CUX2: variants seen among roughly 807,000 people sequenced by gnomAD.
CUX2 encodes cut like homeobox 2, also known as homeobox protein cut-like 2.
Under a neutral mutation model 144.8 loss-of-function variants are expected in CUX2, and 40 were observed. That is an observed-to-expected ratio of 0.28 (90% CI 0.21 to 0.36). The LOEUF is 0.36. Ranked by LOEUF, CUX2 falls within the 10% of genes least tolerant of loss-of-function variation. The pLI, the probability that CUX2 is intolerant of heterozygous loss-of-function variation, is 1.00. For synonymous variants in CUX2, 827 were observed against 875.6 expected (o/e 0.94, Z 0.98); for missense variants, 1,615 against 1,994.0 (o/e 0.81, Z 3.62).
intron 1 of CUX2, among the ~76,000 whole-genome samples, chr12:111,060,231 A>G (rs1282538760): frequency 1.3e-5 from 2 of 152,056 alleles, no homozygotes; most frequent in Non-Finnish European, 2.9e-5. Context: ...CCACCATGTC[A>G]TCTCTTATAA....
rs200077725 is a variant in CUX2 at position 111,191,306 on chromosome 12, ATTATTTATTTAT to A, written c.64-22863_64-22852del. ...CCACTATTATTGTTCTTATTCTTTTATTATTTATTTATTTATTTATTTATTTATTTATTTATT... is the reference window on the plus strand; with the variant it reads ...CCACTATTATTGTTCTTATTCTTTTATTATTTATTTATTTATTTATTTATT... On this transcript the variant is annotated intron_variant, in intron 1 of 21. Coordinates refer to ENST00000261726, the MANE Select transcript of CUX2 (RefSeq NM_015267.4). Among the ~76,000 whole-genome samples, 530 of 146,832 alleles carry A rather than the reference ATTATTTATTTAT, an allele frequency of 3.6e-3. 2 individuals carry two copies. Among genetic ancestry groups the A allele is most frequent in the Middle Eastern group, 0.01 (3 of 288 alleles).
Position 111,320,444 on chromosome 12 carries a change from C to A in CUX2, c.2435C>A (p.Ser812Tyr), listed in dbSNP as rs1456258142. ...SVSPSLSSSS[S>Y]SGYSGQPNGR... is the part of the protein sequence containing the mutation. The stretch of plus-strand genomic sequence containing the variant: ...TCGCCCTCGCTGTCCTCCTCCTCCT[C>A]CTCTGGCTACTCTGGCCAGCCCAAC... The change falls in exon 17 of 22, where the codon TCC (serine) becomes TAC (tyrosine). Residue 812 changes from serine to tyrosine, a missense_variant. By Grantham distance (144) the Ser-to-Tyr change is moderately radical. Coordinates refer to ENST00000261726, the MANE Select transcript of CUX2 (RefSeq NM_015267.4). This position sits in a 1 kb window ranked among gnomAD's most constrained non-coding sequence, Gnocchi z 8.1. 2 of 1,596,146 alleles carry A rather than the reference C, an allele frequency of 1.3e-6. No individual in the cohort carries two copies.
chr12:111,184,335 G>A (rs939749538), intron 1 of CUX2, among the ~76,000 whole-genome samples: 4 of 152,098 alleles, frequency 2.6e-5, no homozygotes, highest in African/African-American at 9.7e-5. Context: ...ACAAGGTGGG[G>A]ACTGGAAGTA....
At chr12:111,167,295 G>A (rs1012496008) in intron 1 of CUX2, among the ~76,000 whole-genome samples, 4 of 152,054 alleles carry the variant, frequency 2.6e-5, no homozygotes, top group Non-Finnish European at 4.4e-5. Flanking sequence ...TATTTCCATC[G>A]AGATAAAGTT....
chr12:111,263,433 G>T lies in CUX2; in HGVS notation c.223-328G>T, dbSNP rs1032093887. On this transcript the variant is annotated intron_variant, in intron 3 of 21. Coordinates refer to ENST00000261726, the MANE Select transcript of CUX2 (RefSeq NM_015267.4). The surrounding 1 kb of genome is among the most constrained non-coding windows in gnomAD (Gnocchi z 4.0). ...CCATCCTGGCCAACGTGGTCAAACC[G>T]TCTCTACCAAAAGTACAAAAAAATT... 2.0e-5 allele frequency among the ~76,000 whole-genome samples: 3 copies of T among 152,092 alleles called. No individual in the cohort carries two copies. The highest frequency in any genetic ancestry group is 4.4e-5 in the Non-Finnish European group (3 of 68,014).
chr12:111,071,937 C>G (rs1312281922), intron 1 of CUX2, among the ~76,000 whole-genome samples: 3 of 152,180 alleles, frequency 2.0e-5, no homozygotes, highest in Non-Finnish European at 4.4e-5. Context: ...TTATGTGGGT[C>G]TATTTCTGGG....
rs1346688820 is a variant in CUX2 at position 111,246,605 on chromosome 12, A to G, written c.223-17156A>G. On this transcript the variant is annotated intron_variant, in intron 3 of 21. Transcript: ENST00000261726. The surrounding 1 kb of genome is among the most constrained non-coding windows in gnomAD (Gnocchi z 4.0). ...GATTCTTAAAGATTGGCTAACATCA[A>G]TCATTTTTAAAACCTGAGCAAAACA... is the stretch of plus-strand genomic sequence containing the variant. Among the ~76,000 whole-genome samples the G allele has an allele frequency of 6.6e-6, 1 of 152,206 alleles. No homozygotes were observed. The highest frequency in any genetic ancestry group is 1.5e-5 in the Non-Finnish European group (1 of 68,024).
intron 3 of CUX2, among the ~76,000 whole-genome samples, chr12:111,257,663 CCT>C (rs1350727747): frequency 3.0e-5 from 4 of 134,534 alleles, no homozygotes; most frequent in Admixed American, 1.5e-4. Context: ...CCTCCTCCTC[CCT>C]CTTCCCCCCT....
In CUX2 at chr12:111,287,073, C is replaced by G. The variant is rs1885422377; in HGVS notation, c.302-4345C>G. ...CTATGGACCTGAATCAAAGGTCCAG[C>G]CAGCCCCTGTTCCCACCAGCCTCTC... On this transcript the variant is annotated intron_variant, in intron 4 of 21. Coordinates refer to ENST00000261726, the MANE Select transcript of CUX2 (RefSeq NM_015267.4). The surrounding 1 kb of genome is among the most constrained non-coding windows in gnomAD (Gnocchi z 4.2). Among the ~76,000 whole-genome samples the G allele has an allele frequency of 1.3e-5, 2 of 152,192 alleles. No homozygotes were observed. The highest frequency in any genetic ancestry group is 4.1e-4 in the South Asian group (2 of 4,828).
chr12:111,253,456 G>T (rs1883668874), intron 3 of CUX2, among the ~76,000 whole-genome samples: 1 of 151,954 alleles, frequency 6.6e-6, no homozygotes, highest in Admixed American at 6.6e-5. Context: ...CTTTCCCAAA[G>T]CTCCCCACGA....
At chr12:111,262,231 G>T (rs1469007431) in intron 3 of CUX2, among the ~76,000 whole-genome samples, 1 of 152,186 alleles carries the variant, frequency 6.6e-6, no homozygotes, top group Admixed American at 6.5e-5. Flanking sequence ...TCATGGCTGG[G>T]TTCTCAGCCC....
In CUX2 at chr12:111,075,892, T is replaced by A. The variant is rs139194786; in HGVS notation, c.63+41652T>A. 4.1e-3 allele frequency among the ~76,000 whole-genome samples: 619 copies of A among 152,290 alleles called. 9 individuals are homozygous for A. Among genetic ancestry groups the A allele is most frequent in the African/African-American group, 0.014 (598 of 41,544 alleles). On this transcript the variant is annotated intron_variant, in intron 1 of 21. Transcript: ENST00000261726. ...GACCAAGTGGGAAACTGAGTCTGAATAATAATGATGATGATAATAACCAGC... is the reference window on the plus strand; with the variant it reads ...GACCAAGTGGGAAACTGAGTCTGAAAAATAATGATGATGATAATAACCAGC...
In CUX2 at chr12:111,304,097, G is replaced by A; in HGVS notation, c.754-113G>A. 1 of 761,232 alleles carries A rather than the reference G, an allele frequency of 1.3e-6. No individual in the cohort carries two copies. The highest frequency in any genetic ancestry group is 2.2e-6 in the Non-Finnish European group (1 of 451,004). The allele number at this position is 761,232 out of a possible 1,614,324, so 47.2% of individuals were successfully genotyped here. A position where few individuals can be genotyped will look rare whatever the true frequency, so the allele number is the denominator to read the frequency against. The stretch of plus-strand genomic sequence containing the variant: ...ACAGGGTCCGGGACTAGGAAGGCAG[G>A]ACCTGAGGCCCTCGGAGGTCTGCCT... On this transcript the variant is annotated intron_variant, in intron 9 of 21. Coordinates refer to ENST00000261726, the MANE Select transcript of CUX2 (RefSeq NM_015267.4). The surrounding 1 kb of genome is among the most constrained non-coding windows in gnomAD (Gnocchi z 4.7).
chr12:111,304,989 A>C lies in CUX2; in HGVS notation c.858+675A>C, dbSNP rs1271132548. Among the ~76,000 whole-genome samples, 2 of 152,236 alleles carry C rather than the reference A, an allele frequency of 1.3e-5. No homozygotes were observed. Among genetic ancestry groups the C allele is most frequent in the African/African-American group, 2.4e-5 (1 of 41,460 alleles). ...GGATTTCCCACCCCAGCCACATGCT[A>C]TGAAGAGCCAGTCTTCGGTGATCAA... On this transcript the variant is annotated intron_variant, in intron 10 of 21. Transcript: ENST00000261726. The surrounding 1 kb of genome is among the most constrained non-coding windows in gnomAD (Gnocchi z 4.7).
Position 111,307,290 on chromosome 12 carries a change from A to G in CUX2, c.1109+33A>G, listed in dbSNP as rs1886637522. The G allele has an allele frequency of 1.2e-6, 2 of 1,603,856 alleles. No homozygotes were observed. The highest frequency in any genetic ancestry group is 8.5e-7 in the Non-Finnish European group (1 of 1,171,934). On this transcript the variant is annotated intron_variant, in intron 12 of 21. Coordinates refer to ENST00000261726, the MANE Select transcript of CUX2 (RefSeq NM_015267.4). The surrounding 1 kb of genome is among the most constrained non-coding windows in gnomAD (Gnocchi z 4.1). ...GTGGGGTGGGGCTCCACAGACCCTC[A>G]GTGCTCTTCCCTGGCCAGGAGCTCT...
chr12:111,245,629 T>A (rs781430151), intron 3 of CUX2, among the ~76,000 whole-genome samples: 4 of 151,934 alleles, frequency 2.6e-5, no homozygotes, highest in Non-Finnish European at 5.9e-5. Flanking sequence ...CAAAGAAAAA[T>A]GATGCTGCTG....
At chr12:111,213,631 T>C (rs1416850070) in intron 1 of CUX2, among the ~76,000 whole-genome samples, 3 of 152,236 alleles carry the variant, frequency 2.0e-5, no homozygotes, top group African/African-American at 4.8e-5. Context: ...TTACTTCTTA[T>C]TGGCACCTTC....
chr12:111,220,743 CAAAAAAAAAAAAAAAAAAAAA>C (rs549438290), intron 3 of CUX2, among the ~76,000 whole-genome samples: 29 of 39,132 alleles, frequency 7.4e-4, no homozygotes, highest in South Asian at 1.5e-3. Flanking sequence ...CTCATCTCTG[CAAAAAAAAAAAAAAAAAAAAA>C]AAAAAAAAAA....
intron 1 of CUX2, among the ~76,000 whole-genome samples, chr12:111,151,118 G>C (rs972894343): frequency 3.3e-5 from 5 of 152,210 alleles, no homozygotes; most frequent in Non-Finnish European, 7.3e-5. Context: ...CACTCCGGCT[G>C]TACTAACTGG....
Sources: allele counts gnomAD v4.1 joint callset (sites outside exome capture counted in the v4.1 genomes callset), GRCh38; gene constraint gnomAD v4.1.1; non-coding constraint Gnocchi (gnomAD v3.1); transcripts MANE v1.5; gene names NCBI Gene and HGNC (gene_info 2026-07-23, HGNC 2026-07-21).